UNC13C: variants seen among roughly 807,000 people sequenced by gnomAD.
UNC13C encodes the protein protein unc-13 homolog C.
UNC13C carries 174 observed loss-of-function variants against 245.4 expected under a neutral mutation model. The observed-to-expected ratio is 0.71, with a 90% CI of 0.63 to 0.80. UNC13C has a LOEUF of 0.80. Ranked by LOEUF, UNC13C falls within the 30% of genes least tolerant of loss-of-function variation. The pLI is 0.00. For missense variants in UNC13C, 2,829 were observed against 2,602.9 expected, an observed-to-expected ratio of 1.09 and a Z score of -1.89; for synonymous variants, 992 against 895.1, an observed-to-expected ratio of 1.11 and a Z score of -1.93.
At chr15:54,433,501 G>C (rs1255051060) in intron 19 of UNC13C, among the ~76,000 whole-genome samples, 1 of 152,048 alleles carries the variant, frequency 6.6e-6, no homozygotes, top group African/African-American at 2.4e-5. Context: ...TATCTCATTA[G>C]ATGCAGAAAA....
chr15:54,532,813 G>A (rs1895815997), intron 25 of UNC13C, 104 bp from the exon 26 acceptor site: 2 of 747,084 alleles, frequency 2.7e-6, no homozygotes, highest in African/African-American at 3.6e-5. Flanking sequence ...ATGAGCAGGG[G>A]AATTCACACC....
intron 13 of UNC13C, among the ~76,000 whole-genome samples, chr15:54,304,417 T>A (rs1333386863): frequency 6.6e-6 from 1 of 152,040 alleles, no homozygotes; most frequent in South Asian, 2.1e-4. Context: ...TTTTTATATA[T>A]CACATGTTTC....
intron 30 of UNC13C, among the ~76,000 whole-genome samples, chr15:54,581,693 C>A (rs1394517739): frequency 1.3e-5 from 2 of 152,188 alleles, no homozygotes. Flanking sequence ...GGGGGAGATA[C>A]CAACATTCTA....
chr15:54,048,040 A>G (rs868057665), intron 2 of UNC13C, among the ~76,000 whole-genome samples: 1 of 152,214 alleles, frequency 6.6e-6, no homozygotes, highest in African/African-American at 2.4e-5. Flanking sequence ...TTCTGAATGT[A>G]CTTTTACGTT....
chr15:54,049,998 C>T (rs1346815853), intron 2 of UNC13C: 2 of 227,080 alleles, frequency 8.8e-6, no homozygotes, highest in Non-Finnish European at 1.8e-5. Context: ...GAGACAGAGT[C>T]TCACTCTGTC....
At chr15:54,174,569 CAA>C (rs2033540176) in intron 4 of UNC13C, among the ~76,000 whole-genome samples, 1 of 152,082 alleles carries the variant, frequency 6.6e-6, no homozygotes. Flanking sequence ...AAATTAAAAA[CAA>C]GTTGATTAAA....
rs775271855 is a variant in UNC13C at position 54,143,674 on chromosome 15, G to A, written c.3061G>A (p.Val1021Met). Reference sequence around the variant, plus strand: ...TGCTTCCAAATTTTCTGCACTCCAGGTGTGTGGTGGGTAAGTACCTTCATA... The same window carrying A: ...TGCTTCCAAATTTTCTGCACTCCAGATGTGTGGTGGGTAAGTACCTTCATA... ...LDASKFSALQ[V>M]CGGAGGGLYG... Residue 1021 changes from valine to methionine, a missense_variant, in exon 4 of 33, where the codon GTG becomes ATG. Physicochemically the swap from Val to Met is conservative, Grantham distance 21. Transcript: ENST00000260323. The A allele has an allele frequency of 1.9e-6, 3 of 1,613,044 alleles. No homozygotes were observed. Among genetic ancestry groups the A allele is most frequent in the South Asian group, 1.1e-5 (1 of 90,994 alleles).
intron 4 of UNC13C, among the ~76,000 whole-genome samples, chr15:54,206,802 C>T (rs974574262): frequency 6.6e-6 from 1 of 152,046 alleles, no homozygotes; most frequent in African/African-American, 2.4e-5. Context: ...CAATCTTAGT[C>T]TAGAAAATTA....
the UNC13C span, among the ~76,000 whole-genome samples, chr15:53,869,561 G>A: frequency 1.3e-5 from 2 of 152,244 alleles, no homozygotes; most frequent in Middle Eastern, 3.4e-3. Context: ...TTAGTAATAA[G>A]TAATAGTACT....
chr15:54,413,047 A>G (rs116722294), intron 18 of UNC13C, among the ~76,000 whole-genome samples: 1,819 of 152,258 alleles, frequency 0.012, 40 homozygotes, highest in African/African-American at 0.042. Context: ...TTTTTCTTCC[A>G]TAGTCTAACA....
chr15:54,265,921 G>C (rs1025085924), intron 10 of UNC13C, among the ~76,000 whole-genome samples: 5 of 151,976 alleles, frequency 3.3e-5, no homozygotes, highest in Non-Finnish European at 7.4e-5. Context: ...ATCTACATTA[G>C]CTTATACTAT....
chr15:54,415,302 T>C (rs2040496280), intron 19 of UNC13C, among the ~76,000 whole-genome samples: 1 of 152,176 alleles, frequency 6.6e-6, no homozygotes. Context: ...CATAAAAATA[T>C]TTCACTGATA....
At chr15:54,425,472 C>A (rs529345888) in intron 19 of UNC13C, among the ~76,000 whole-genome samples, 3 of 151,866 alleles carry the variant, frequency 2.0e-5, no homozygotes, top group African/African-American at 7.2e-5. Flanking sequence ...GAAAAACTTA[C>A]ATGGACAACC....
At chr15:54,046,190 G>A (rs868412536) in intron 2 of UNC13C, among the ~76,000 whole-genome samples, 1 of 152,066 alleles carries the variant, frequency 6.6e-6, no homozygotes, top group South Asian at 2.1e-4. Flanking sequence ...GTGAATTGGT[G>A]TCTAATAACT....
intron 18 of UNC13C, among the ~76,000 whole-genome samples, chr15:54,400,394 C>T (rs1405866395): frequency 6.6e-6 from 1 of 152,044 alleles, no homozygotes; most frequent in African/African-American, 2.4e-5. Context: ...ATACCGTTGA[C>T]TTCTGCAAGA....
chr15:53,846,499 G>C, the UNC13C span, among the ~76,000 whole-genome samples: 1 of 152,296 alleles, frequency 6.6e-6, no homozygotes, highest in African/African-American at 2.4e-5. Flanking sequence ...TTGTGGATTT[G>C]TGCAAGTTAC....
At chr15:53,948,286 G>A in the UNC13C span, 1 of 152,132 alleles carries the variant, frequency 6.6e-6, no homozygotes, top group Non-Finnish European at 1.5e-5. Context: ...AAATGATACT[G>A]CTTTCAGAAG....
Position 54,525,594 on chromosome 15 carries a change from C to T in UNC13C, c.5503C>T (p.Leu1835Phe). Residue 1835 changes from leucine to phenylalanine, a missense_variant, in exon 25 of 33, where the codon CTC becomes TTC. Physicochemically the swap from Leu to Phe is conservative, Grantham distance 22 (BLOSUM62 0). Coordinates refer to ENST00000260323, the MANE Select transcript of UNC13C (RefSeq NM_001080534.3). ...STILKELQVKLSGVLDELSVT... is the reference protein window; with the variant it reads ...STILKELQVKFSGVLDELSVT... The stretch of plus-strand genomic sequence containing the variant: ...TATTCTAAAAGAACTTCAGGTTAAG[C>T]TCAGTGGGGTCCTGGATGAGCTCAG... The T allele has an allele frequency of 6.2e-7, 1 of 1,613,080 alleles. No homozygotes were observed. Among genetic ancestry groups the T allele is most frequent in the Non-Finnish European group, 8.5e-7 (1 of 1,179,584 alleles).
chr15:54,127,711 G>A (rs967079328), intron 2 of UNC13C, among the ~76,000 whole-genome samples: 4 of 140,070 alleles, frequency 2.9e-5, no homozygotes, highest in African/African-American at 8.3e-5. Flanking sequence ...GTGTGTGTGT[G>A]TATATATATA....
Sources: allele counts gnomAD v4.1 joint callset (sites outside exome capture counted in the v4.1 genomes callset), GRCh38; gene constraint gnomAD v4.1.1; transcripts MANE v1.5; gene names NCBI Gene and HGNC (gene_info 2026-07-23, HGNC 2026-07-21).